The following PREX1 variants were observed in gnomAD, a reference collection of about 807,000 sequenced individuals.
The protein encoded by PREX1 is phosphatidylinositol-3,4,5-trisphosphate dependent Rac exchange factor 1, also known as phosphatidylinositol 3,4,5-trisphosphate-dependent Rac exchanger 1 protein.
A neutral mutation model predicts 198.3 loss-of-function variants in PREX1; 41 were observed. The observed-to-expected ratio is 0.21, with a 90% CI of 0.16 to 0.27. PREX1 has a LOEUF of 0.27. Among genes scored for constraint, PREX1 ranks in the 10% least tolerant of loss-of-function variants. PREX1 has a pLI of 1.00. For missense variants in PREX1, 1,620 were observed against 2,200.7 expected (o/e 0.74, Z 5.28); for synonymous variants, 843 against 887.2 (o/e 0.95, Z 0.89).
At chr20:48,816,652 C>T (rs532839749) in intron 1 of PREX1, among the ~76,000 whole-genome samples, 2 of 152,190 alleles carry the variant, frequency 1.3e-5, no homozygotes, top group East Asian at 3.9e-4. Context: ...CAAGGCACCT[C>T]TAGGAAGTGA....
At chr20:48,717,473 T>C (rs1419145640) in intron 5 of PREX1, among the ~76,000 whole-genome samples, 1 of 142,188 alleles carries the variant, frequency 7.0e-6, no homozygotes, top group South Asian at 2.2e-4. Flanking sequence ...AATGAAGAGG[T>C]GCTAAGGATA....
intron 7 of PREX1, among the ~76,000 whole-genome samples, chr20:48,693,544 G>C (rs1401163942): frequency 1.3e-5 from 2 of 152,118 alleles, no homozygotes; most frequent in Admixed American, 1.3e-4. Flanking sequence ...CTTTCATCTT[G>C]GAGTCCACAG....
chr20:48,769,916 G>T (rs1421555209), intron 1 of PREX1, among the ~76,000 whole-genome samples: 3 of 152,204 alleles, frequency 2.0e-5, no homozygotes, highest in African/African-American at 7.2e-5. Flanking sequence ...CACACGGTGA[G>T]GGAGAGAGCT....
rs117324684 is a variant in PREX1, at chr20:48,720,124, T to C, written c.621+6166A>G. On this transcript the variant is annotated intron_variant, in intron 5 of 39. Coordinates refer to ENST00000371941, the MANE Select transcript of PREX1 (RefSeq NM_020820.4). ...CTGGAACAATTTTCCCCAAGGTACC[T>C]GCTTGACTTCCTCCTTCACCTCTTT... is the stretch of plus-strand genomic sequence containing the variant. Among the ~76,000 whole-genome samples, 30 of 152,324 alleles carry C rather than the reference T, an allele frequency of 2.0e-4. 1 individual carries two copies. In the East Asian group the frequency reaches 5.8e-3, roughly 29 times the overall value.
At chr20:48,672,928 C>T (rs771490715) in intron 14 of PREX1, among the ~76,000 whole-genome samples, 12 of 152,122 alleles carry the variant, frequency 7.9e-5, no homozygotes, top group Non-Finnish European at 8.8e-5. Context: ...CTCACCAGAA[C>T]GTAATATCTG....
intron 10 of PREX1, among the ~76,000 whole-genome samples, chr20:48,685,962 G>A (rs974902277): frequency 1.3e-5 from 2 of 152,212 alleles, no homozygotes; most frequent in Admixed American, 6.5e-5. Flanking sequence ...GACAGATGTA[G>A]AGAGAGGAAC....
chr20:48,793,077 C>A (rs1231689832), intron 1 of PREX1, among the ~76,000 whole-genome samples: 1 of 151,978 alleles, frequency 6.6e-6, no homozygotes, highest in Non-Finnish European at 1.5e-5. Flanking sequence ...TGGTGGTATG[C>A]GCCTGTAGTT....
rs1365237175 is a variant in PREX1, at chr20:48,684,521, G to A, written c.1335-3186C>T. On this transcript the variant is annotated intron_variant, in intron 10 of 39. Coordinates refer to ENST00000371941, the MANE Select transcript of PREX1 (RefSeq NM_020820.4). This position sits in a 1 kb window ranked among gnomAD's most constrained non-coding sequence, Gnocchi z 4.2. ...CCTTGGAGCTTTCCCTCTGGCAGAC[G>A]TCCATAACTGAACAGCATCTAATCT... 1.3e-5 allele frequency among the ~76,000 whole-genome samples: 2 copies of A among 152,192 alleles called. No homozygotes were observed. Among genetic ancestry groups the A allele is most frequent in the Non-Finnish European group, 1.5e-5 (1 of 68,024 alleles).
At position 48,775,666 on chromosome 20, in the gene PREX1, C is replaced by T. The variant is rs533912142; in HGVS notation, c.220-27786G>A. Among the ~76,000 whole-genome samples, 631 of 69,134 alleles carry T rather than the reference C, an allele frequency of 9.1e-3. 5 individuals carry two copies. The highest frequency in any genetic ancestry group is 0.019 in the African/African-American group (580 of 30,562). 45.4% of individuals were successfully genotyped at this position (69,134 alleles called of 152,430 possible). ...TAATTAAATGGGGGCAGGTCTTTCC[C>T]GTGCTGTTCTCGTGATAGTGAATAA... On this transcript the variant is annotated intron_variant, in intron 1 of 39. Transcript: ENST00000371941.
chr20:48,655,885 G>A (rs997934503), intron 18 of PREX1, among the ~76,000 whole-genome samples: 8 of 152,152 alleles, frequency 5.3e-5, no homozygotes, highest in Non-Finnish European at 1.0e-4. Context: ...GGGTGTCACT[G>A]CTCCTGGAGC....
intron 18 of PREX1, 129 bp from the exon 19 acceptor site, chr20:48,655,504 AGCACCAC>A: frequency 1.4e-6 from 1 of 717,432 alleles, no homozygotes; most frequent in Non-Finnish European, 2.2e-6. Flanking sequence ...AAATAGTAGT[AGCACCAC>A]CAGGCTTTCC....
At chr20:48,636,947 CAT>C (rs1442224166) in intron 31 of PREX1, among the ~76,000 whole-genome samples, 16 of 152,362 alleles carry the variant, frequency 1.1e-4, no homozygotes, top group South Asian at 6.2e-4. Context: ...AACAAACAAA[CAT>C]CTTGTGATTT....
the PREX1 span, among the ~76,000 whole-genome samples, chr20:48,876,127 C>T: frequency 5.3e-5 from 8 of 152,162 alleles, no homozygotes; most frequent in South Asian, 1.5e-3. Context: ...CACAAACACA[C>T]GACTTTTGGG....
In PREX1 at chr20:48,827,866, C is replaced by T. The variant is rs2090517234; in HGVS notation, c.-6G>A. The T allele has an allele frequency of 5.1e-6, 5 of 979,742 alleles. No individual in the cohort carries two copies. Among genetic ancestry groups the T allele is most frequent in the East Asian group, 2.3e-4 (2 of 8,734 alleles). 60.7% of individuals were successfully genotyped at this position (979,742 alleles called of 1,614,324 possible). A position where few individuals can be genotyped will look rare whatever the true frequency, so the allele number is the denominator to read the frequency against. ...CTGCCGCTGGGCGCCTCCATTCTAG[C>T]GCGGCCGCGCGGCGCCGGCTCCTTC... is the stretch of plus-strand genomic sequence containing the variant. On this transcript the variant is annotated 5_prime_UTR_variant, in exon 1 of 40. Transcript: ENST00000371941. The surrounding 1 kb of genome is among the most constrained non-coding windows in gnomAD (Gnocchi z 4.1).
the PREX1 span, among the ~76,000 whole-genome samples, chr20:48,859,634 C>A: frequency 6.6e-6 from 1 of 152,210 alleles, no homozygotes; most frequent in African/African-American, 2.4e-5. Flanking sequence ...CTGCTGTAGA[C>A]CACAGAATGG....
At chr20:48,816,467 CTGAG>C (rs2090459649) in intron 1 of PREX1, among the ~76,000 whole-genome samples, 1 of 152,168 alleles carries the variant, frequency 6.6e-6, no homozygotes, top group Non-Finnish European at 1.5e-5. Context: ...AATCAGCTGA[CTGAG>C]TGAGCCTGAC....
intron 1 of PREX1, among the ~76,000 whole-genome samples, chr20:48,812,142 C>T (rs1600530935): frequency 6.6e-6 from 1 of 152,222 alleles, no homozygotes; most frequent in East Asian, 1.9e-4. Flanking sequence ...GTTTTTTCAG[C>T]CCTCAGTTAC....
chr20:48,857,584 T>C, the PREX1 span, among the ~76,000 whole-genome samples: 6 of 151,822 alleles, frequency 4.0e-5, no homozygotes, highest in South Asian at 2.1e-4. Context: ...CCTGGGCAAA[T>C]AGCGAAACCC....
chr20:48,629,884 T>C (rs2089300294), intron 36 of PREX1, among the ~76,000 whole-genome samples: 1 of 152,172 alleles, frequency 6.6e-6, no homozygotes, highest in African/African-American at 2.4e-5. Flanking sequence ...CCTAATTCTC[T>C]TCACCTGCCC....
Sources: allele counts gnomAD v4.1 joint callset (sites outside exome capture counted in the v4.1 genomes callset), GRCh38; gene constraint gnomAD v4.1.1; non-coding constraint Gnocchi (gnomAD v3.1); transcripts MANE v1.5; gene names NCBI Gene and HGNC (gene_info 2026-07-23, HGNC 2026-07-21).